The following IQGAP2 variants were observed in gnomAD, a reference collection of about 807,000 sequenced individuals.
IQGAP2 encodes the protein ras GTPase-activating-like protein IQGAP2.
A neutral mutation model predicts 201.3 loss-of-function variants in IQGAP2; 173 were observed. The ratio of observed to expected loss-of-function variants is 0.86; its 90% CI spans 0.76 to 0.98. The LOEUF (loss-of-function observed/expected upper bound fraction) is 0.98. Among genes scored for constraint, IQGAP2 ranks in the 50% least tolerant of loss-of-function variants. The pLI is 0.00. For missense variants in IQGAP2, 1,687 were observed against 1,864.8 expected (o/e 0.90, Z 1.76); for synonymous variants, 675 against 673.9 (o/e 1.00, Z -0.03).
At chr5:76,458,840 G>C (rs574238003) in intron 1 of IQGAP2, among the ~76,000 whole-genome samples, 17 of 152,230 alleles carry the variant, frequency 1.1e-4, no homozygotes, top group Non-Finnish European at 2.9e-5. Context: ...ATATTTTGGA[G>C]CCCTTTGGGA....
At chr5:76,701,710 ACTTT>A (rs977978560) in intron 34 of IQGAP2, 4 of 152,472 alleles carry the variant, frequency 2.6e-5, no homozygotes, top group Non-Finnish European at 5.9e-5. Flanking sequence ...GTGTTCCATC[ACTTT>A]CTTGTCCTAA....
intron 3 of IQGAP2, among the ~76,000 whole-genome samples, chr5:76,564,331 T>G (rs1177302425): frequency 6.6e-6 from 1 of 152,212 alleles, no homozygotes; most frequent in Non-Finnish European, 1.5e-5. Flanking sequence ...TCTAGGTCTG[T>G]CAGTACCAAC....
intron 2 of IQGAP2, among the ~76,000 whole-genome samples, chr5:76,496,761 C>CTTTCTTTCTTTCTTTCTTTCT (rs1756984078): frequency 4.5e-5 from 4 of 89,048 alleles, no homozygotes; most frequent in Non-Finnish European, 8.5e-5. Flanking sequence ...TTCTTTCTTT[C>CTTTCTTTCTTTCTTTCTTTCT]TTTCTTTCTT....
At chr5:76,409,430 A>G (rs1002608632) in intron 1 of IQGAP2, among the ~76,000 whole-genome samples, 4 of 151,310 alleles carry the variant, frequency 2.6e-5, no homozygotes, top group African/African-American at 9.7e-5. Context: ...TATTTTTGGT[A>G]GAGATGGGGT....
At chr5:76,566,352 G>A (rs1744749131) in intron 3 of IQGAP2, among the ~76,000 whole-genome samples, 1 of 152,214 alleles carries the variant, frequency 6.6e-6, no homozygotes, top group Non-Finnish European at 1.5e-5. Context: ...TGAGAAGAAA[G>A]TCACCTGTGT....
chr5:76,469,895 C>A (rs1755010427), intron 2 of IQGAP2, among the ~76,000 whole-genome samples: 1 of 152,158 alleles, frequency 6.6e-6, no homozygotes, highest in Non-Finnish European at 1.5e-5. Context: ...TTGCCTATGA[C>A]TATATAACAA....
intron 2 of IQGAP2, among the ~76,000 whole-genome samples, chr5:76,514,125 G>C (rs2150186008): frequency 6.9e-6 from 1 of 145,112 alleles, no homozygotes; most frequent in South Asian, 2.2e-4. Context: ...CTGGGTTCAA[G>C]TGATTCTCCT....
chr5:76,497,067 A>T (rs1162499050), intron 2 of IQGAP2, among the ~76,000 whole-genome samples: 1 of 152,096 alleles, frequency 6.6e-6, no homozygotes, highest in Non-Finnish European at 1.5e-5. Flanking sequence ...TGACCTCATG[A>T]TCCACCCACC....
chr5:76,462,954 G>C (rs550488417), intron 2 of IQGAP2, among the ~76,000 whole-genome samples: 1 of 151,366 alleles, frequency 6.6e-6, no homozygotes, highest in Non-Finnish European at 1.5e-5. Context: ...TCAAGTTGTC[G>C]CAAAAAAGTT....
At chr5:76,673,762 A>AAT (rs2150490440) in intron 25 of IQGAP2, 173 bp downstream of exon 25, 1 of 728,808 alleles carries the variant, frequency 1.4e-6, no homozygotes, top group East Asian at 2.6e-5. Context: ...AAGAAGGGGC[A>AAT]ATACTTCAGT....
At chr5:76,404,181 TC>T (rs946458792) in intron 1 of IQGAP2, among the ~76,000 whole-genome samples, 2 of 150,516 alleles carry the variant, frequency 1.3e-5, no homozygotes, top group African/African-American at 4.9e-5. Context: ...CCAACCCCTT[TC>T]CCCCCCGCTC....
chr5:76,414,195 C>T (rs533480357), intron 1 of IQGAP2, among the ~76,000 whole-genome samples: 1 of 152,294 alleles, frequency 6.6e-6, no homozygotes, highest in South Asian at 2.1e-4. Flanking sequence ...TTGTAATCAG[C>T]CAGTCTTGGT....
intron 5 of IQGAP2, among the ~76,000 whole-genome samples, chr5:76,576,078 A>G (rs902181105): frequency 5.9e-5 from 9 of 152,214 alleles, no homozygotes; most frequent in Non-Finnish European, 1.2e-4. Flanking sequence ...GTAATGTACT[A>G]CTATATTCTT....
chr5:76,511,521 GA>G (rs1580354260), intron 2 of IQGAP2, among the ~76,000 whole-genome samples: 2 of 152,346 alleles, frequency 1.3e-5, no homozygotes, highest in East Asian at 3.9e-4. Flanking sequence ...TAGCTGTGAA[GA>G]AAGTTAAGAC....
In IQGAP2 at chr5:76,448,714, G is replaced by C. The variant is rs897708096; in HGVS notation, c.47-12856G>C. Among the ~76,000 whole-genome samples, 3 of 152,116 alleles carry C rather than the reference G, an allele frequency of 2.0e-5. No individual in the cohort carries two copies. In the South Asian group the frequency reaches 6.2e-4, roughly 31 times the overall value. ...TTTAATCTCCATCCCCATTCCCATG[G>C]GTGCAGCTCTAAACATGTTGCAAGA... On this transcript the variant is annotated intron_variant, in intron 1 of 35. Coordinates refer to ENST00000274364, the MANE Select transcript of IQGAP2 (RefSeq NM_006633.5).
chr5:76,529,564 G>T (rs1194409053), intron 2 of IQGAP2, among the ~76,000 whole-genome samples: 1 of 151,562 alleles, frequency 6.6e-6, no homozygotes, highest in Non-Finnish European at 1.5e-5. Context: ...GGAGGCGAAG[G>T]CTGCAGTGAG....
intron 30 of IQGAP2, among the ~76,000 whole-genome samples, chr5:76,689,417 G>A (rs1394109378): frequency 2.0e-5 from 3 of 151,950 alleles, no homozygotes; most frequent in African/African-American, 7.3e-5. Context: ...GGGCTATGAT[G>A]ATCACATGAA....
intron 2 of IQGAP2, among the ~76,000 whole-genome samples, chr5:76,545,734 G>T (rs1214910307): frequency 2.0e-5 from 3 of 152,154 alleles, no homozygotes; most frequent in Non-Finnish European, 4.4e-5. Flanking sequence ...AATACTTGAA[G>T]CAATCTTTGT....
At chr5:76,448,582 C>T (rs1253235168) in intron 1 of IQGAP2, among the ~76,000 whole-genome samples, 4 of 152,112 alleles carry the variant, frequency 2.6e-5, no homozygotes, top group Admixed American at 2.6e-4. Flanking sequence ...ATCTGGTGTG[C>T]TGCTCAAGGC....
Sources: allele counts gnomAD v4.1 joint callset (sites outside exome capture counted in the v4.1 genomes callset), GRCh38; gene constraint gnomAD v4.1.1; transcripts MANE v1.5; gene names NCBI Gene and HGNC (gene_info 2026-07-23, HGNC 2026-07-21).